Variants in PCSK5 observed in about 807,000 individuals in gnomAD.
The protein encoded by PCSK5 is proprotein convertase subtilisin/kexin type 5.
A neutral mutation model predicts 233.2 loss-of-function variants in PCSK5; 129 were observed. The observed-to-expected ratio is 0.55, with a 90% confidence interval of 0.48 to 0.64. PCSK5 has a LOEUF of 0.64. PCSK5 is among the 30% of genes least tolerant of loss of function. PCSK5 has a pLI of 0.00. For missense variants in PCSK5, 2,076 were observed against 2,430.1 expected (o/e 0.85, Z 3.06); for synonymous variants, 825 against 879.2 (o/e 0.94, Z 1.09).
chr9:76,235,408 C>G (rs962917896), intron 22 of PCSK5, among the ~76,000 whole-genome samples: 1 of 152,170 alleles, frequency 6.6e-6, no homozygotes, highest in African/African-American at 2.4e-5. Context: ...AGATACCAAA[C>G]AAATGTCTAG....
At chr9:75,982,447 A>C (rs1046181846) in intron 2 of PCSK5, among the ~76,000 whole-genome samples, 6 of 152,096 alleles carry the variant, frequency 3.9e-5, no homozygotes, top group African/African-American at 1.4e-4. Context: ...ACCTTTTCCC[A>C]TGCCCCCACT....
At chr9:76,327,259 A>G (rs1829391004) in intron 32 of PCSK5, among the ~76,000 whole-genome samples, 1 of 152,006 alleles carries the variant, frequency 6.6e-6, no homozygotes. Flanking sequence ...GGCACCCGCC[A>G]CCATGCCCAG....
At chr9:75,928,596 C>CATACATAT (rs1554707480) in intron 1 of PCSK5, among the ~76,000 whole-genome samples, 2 of 68,398 alleles carry the variant, frequency 2.9e-5, no homozygotes, top group Non-Finnish European at 5.8e-5. Flanking sequence ...CATATAAATA[C>CATACATAT]ATATATATAT....
At chr9:76,302,439 G>A in intron 28 of PCSK5, among the ~76,000 whole-genome samples, 1 of 152,166 alleles carries the variant, frequency 6.6e-6, no homozygotes, top group East Asian at 1.9e-4. Flanking sequence ...GGAGATTTCT[G>A]TAACAGATAA....
chr9:75,901,172 G>T (rs1281128386), intron 1 of PCSK5, among the ~76,000 whole-genome samples: 1 of 152,082 alleles, frequency 6.6e-6, no homozygotes, highest in African/African-American at 2.4e-5. Flanking sequence ...ACATGAACAC[G>T]TATGTTTATT....
chr9:76,067,163 AG>A (rs1830317004), intron 5 of PCSK5, among the ~76,000 whole-genome samples: 1 of 152,254 alleles, frequency 6.6e-6, no homozygotes, highest in African/African-American at 2.4e-5. Context: ...TCCTTGAAAG[AG>A]GATCTTAAAA....
chr9:75,952,271 C>CT (rs1824895784), intron 2 of PCSK5, among the ~76,000 whole-genome samples: 1 of 152,108 alleles, frequency 6.6e-6, no homozygotes, highest in Non-Finnish European at 1.5e-5. Flanking sequence ...AATTATAAGT[C>CT]TTAAGCATAA....
Position 76,314,356 on chromosome 9 carries a change from C to T in PCSK5, c.3884+3505C>T, listed in dbSNP as rs114213041. The stretch of plus-strand genomic sequence containing the variant: ...TATGGGTAGGGTGATCTGATTATAG[C>T]GGAATCCCTCATCTTTGTGTTTAAA... On this transcript the variant is annotated intron_variant, in intron 30 of 37. Transcript: ENST00000674117. Among the ~76,000 whole-genome samples the T allele has an allele frequency of 1.3e-3, 200 of 151,382 alleles. 1 individual carries two copies. Among genetic ancestry groups the T allele is most frequent in the African/African-American group, 4.8e-3 (196 of 41,022 alleles).
chr9:76,350,380 AGT>A (rs1403365733), intron 35 of PCSK5, among the ~76,000 whole-genome samples: 1 of 152,224 alleles, frequency 6.6e-6, no homozygotes, highest in Non-Finnish European at 1.5e-5. Flanking sequence ...TGATCTGCTG[AGT>A]CCTTTTAGCC....
chr9:76,169,889 T>C, intron 13 of PCSK5, 49 bp downstream of exon 13: 5 of 1,534,988 alleles, frequency 3.3e-6, no homozygotes, highest in Non-Finnish European at 4.5e-6. Context: ...AAGAAAATGA[T>C]GGAGTATATT....
intron 1 of PCSK5, among the ~76,000 whole-genome samples, chr9:75,929,585 C>T (rs1293189158): frequency 7.2e-5 from 11 of 151,896 alleles, no homozygotes; most frequent in Admixed American, 4.6e-4. Flanking sequence ...GGGGAGGTGC[C>T]GCAGGTGGAG....
At chr9:76,158,139 G>A (rs1003129558) in intron 11 of PCSK5, among the ~76,000 whole-genome samples, 1 of 152,068 alleles carries the variant, frequency 6.6e-6, no homozygotes. Flanking sequence ...CAGTCTAATG[G>A]AGGTATCACA....
chr9:75,898,998 A>T (rs1268059884), intron 1 of PCSK5, among the ~76,000 whole-genome samples: 1 of 152,224 alleles, frequency 6.6e-6, no homozygotes, highest in African/African-American at 2.4e-5. Context: ...AACTGAATGC[A>T]TAATGGCAGA....
intron 3 of PCSK5, among the ~76,000 whole-genome samples, chr9:76,021,511 T>G (rs1056468602): frequency 6.6e-6 from 1 of 151,990 alleles, no homozygotes; most frequent in Non-Finnish European, 1.5e-5. Flanking sequence ...AGTAGAATAG[T>G]AGAGAGTGTG....
chr9:75,991,737 C>A (rs1040595761), intron 3 of PCSK5, among the ~76,000 whole-genome samples: 1 of 152,082 alleles, frequency 6.6e-6, no homozygotes, highest in African/African-American at 2.4e-5. Context: ...GATACAGTGG[C>A]CCGTTTTTTC....
intron 34 of PCSK5, among the ~76,000 whole-genome samples, chr9:76,333,708 G>A (rs1421963314): frequency 6.6e-6 from 1 of 152,128 alleles, no homozygotes; most frequent in Non-Finnish European, 1.5e-5. Context: ...GGAGTTTCCA[G>A]ACCCAAATCA....
At chr9:76,209,108 A>G (rs556471039) in intron 20 of PCSK5, among the ~76,000 whole-genome samples, 2 of 152,382 alleles carry the variant, frequency 1.3e-5, no homozygotes, top group East Asian at 3.9e-4. Flanking sequence ...AAGCCTAGAT[A>G]GAATAGGGCT....
At chr9:76,351,447 G>GAAAGGAAAGAAGAGAGAAA in intron 36 of PCSK5, among the ~76,000 whole-genome samples, 1 of 27,460 alleles carries the variant, frequency 3.6e-5, no homozygotes, top group Admixed American at 5.9e-4. Flanking sequence ...GTGAAAGAAA[G>GAAAGGAAAGAAGAGAGAAA]GAAAGAAAGA....
intron 24 of PCSK5, among the ~76,000 whole-genome samples, chr9:76,291,652 A>G (rs183005543): frequency 3.0e-4 from 45 of 152,278 alleles, no homozygotes; most frequent in Non-Finnish European, 1.3e-4. Context: ...GCAGGAAAGA[A>G]CCCTTCTGTG....
Sources: gnomAD v4.1 joint callset for allele counts (sites outside exome capture counted in the v4.1 genomes callset) on GRCh38, gnomAD v4.1.1 for gene constraint, MANE v1.5 for transcripts, NCBI Gene and HGNC (gene_info 2026-07-23, HGNC 2026-07-21) for gene names.